LRP1: variants seen among roughly 807,000 people sequenced by gnomAD.
LRP1 encodes the protein prolow-density lipoprotein receptor-related protein 1.
Under a neutral mutation model 541.5 loss-of-function variants are expected in LRP1, and 51 were observed. That is an observed-to-expected ratio of 0.09 (90% CI 0.08 to 0.12). LRP1 has a LOEUF of 0.12. Among genes scored for constraint, LRP1 ranks in the 10% least tolerant of loss-of-function variants. The pLI, the probability that LRP1 is intolerant of heterozygous loss-of-function variation, is 1.00. For synonymous variants in LRP1, 2,219 were observed against 2,470.8 expected, an observed-to-expected ratio of 0.90 and a Z score of 3.02; for missense variants, 3,878 against 6,376.2, an observed-to-expected ratio of 0.61 and a Z score of 13.34.
chr12:57,138,263 C>T (rs1297330876), intron 1 of LRP1, among the ~76,000 whole-genome samples, 196 bp from the exon 2 acceptor site: 1 of 151,930 alleles, frequency 6.6e-6, no homozygotes, highest in African/African-American at 2.4e-5. Flanking sequence ...ATCCTCCCCA[C>T]CCCCACCGCA....
At position 57,212,154 on chromosome 12, in the gene LRP1, G is replaced by A. The variant is rs1253730895; in HGVS notation, c.13387G>A (p.Ala4463Thr). 1.2e-6 allele frequency: 2 copies of A among 1,613,892 alleles called. No individual in the cohort carries two copies. Among genetic ancestry groups the A allele is most frequent in the African/African-American group, 1.3e-5 (1 of 74,894 alleles). ...CCAGCACCAACGGATGACCAACGGGGCCATGAACGTGGAGATTGGAAACCC... is the reference window on the plus strand; with the variant it reads ...CCAGCACCAACGGATGACCAACGGGACCATGAACGTGGAGATTGGAAACCC... ...GFQHQRMTNG[A>T]MNVEIGNPTY... Residue 4463 changes from alanine to threonine, a missense_variant, in exon 88 of 89, where the codon GCC becomes ACC. Transcript: ENST00000243077. This position sits in a 1 kb window ranked among gnomAD's most constrained non-coding sequence, Gnocchi z 5.0.
intron 55 of LRP1, 97 bp downstream of exon 55, chr12:57,196,374 G>A: frequency 1.7e-6 from 2 of 1,190,048 alleles, no homozygotes; most frequent in Non-Finnish European, 2.3e-6. Flanking sequence ...TAGACAGTGG[G>A]GATACAGCAG....
At chr12:57,196,403 G>T in intron 55 of LRP1, 126 bp downstream of exon 55, 1 of 995,922 alleles carries the variant, frequency 1.0e-6, no homozygotes. Context: ...ACAGAAATCT[G>T]CTTGGTTGGG....
In LRP1 at chr12:57,211,454, GC is replaced by G. The variant is rs762658312; in HGVS notation, c.13092-29del. 2.4e-5 allele frequency: 38 copies of G among 1,610,502 alleles called. No individual in the cohort carries two copies. Among genetic ancestry groups the G allele is most frequent in the Non-Finnish European group, 8.5e-7 (1 of 1,178,438 alleles). ...CAGCATCCCAGGCACGCCTCTGCCA[GC>G]CCCAGCCCCAGCCTCTGATTCCTTC... On this transcript the variant is annotated intron_variant, in intron 84 of 88. Transcript: ENST00000243077. This position sits in a 1 kb window ranked among gnomAD's most constrained non-coding sequence, Gnocchi z 4.3.
In LRP1 at chr12:57,145,488, A is replaced by C; in HGVS notation, c.839A>C (p.His280Pro). Residue 280 changes from histidine (H) to proline (P), a missense_variant and splice_region_variant, in exon 6 of 89, where the codon CAC (histidine) becomes CCC (proline). Transcript: ENST00000243077. ...EHTINISLSLHHVEQMAIDWL... is the reference protein window; with the variant it reads ...EHTINISLSLPHVEQMAIDWL... The stretch of plus-strand genomic sequence containing the variant: ...ACCATCAACATCTCCCTCAGTCTGC[A>C]CCGTGAGTCACCTGCTCTCAGCTTG... The C allele has an allele frequency of 6.2e-7, 1 of 1,612,306 alleles. No individual in the cohort carries two copies. The highest frequency in any genetic ancestry group is 8.5e-7 in the Non-Finnish European group (1 of 1,179,150).
intron 51 of LRP1, 77 bp from the exon 52 acceptor site, chr12:57,195,194 C>T (rs1045574999): frequency 1.1e-5 from 18 of 1,595,448 alleles, no homozygotes; most frequent in African/African-American, 2.7e-5. Context: ...CTGCAGACGA[C>T]GGCGAACCAT....
chr12:57,145,012 A>G lies in LRP1; in HGVS notation c.489A>G (p.Leu163=), dbSNP rs143263594. Residue 163 remains leucine (L), a synonymous_variant, in exon 5 of 89, where the codon CTA becomes CTG. Transcript: ENST00000243077. ...ECSVYGTCSQ[L]CTNTDGSFIC... is the part of the protein sequence containing the mutation. Reference sequence around the variant, plus strand: ...CAGTGTACGGCACCTGCAGCCAGCTATGCACCAACACAGACGGCTCCTTCA... The same window carrying G: ...CAGTGTACGGCACCTGCAGCCAGCTGTGCACCAACACAGACGGCTCCTTCA... The G allele has an allele frequency of 1.4e-4, 221 of 1,614,162 alleles. No individual in the cohort carries two copies. The African/African-American group carries it at 2.8e-3, about 20-fold the overall frequency.
rs757500774 is a variant in LRP1, at chr12:57,190,976, C to T, written c.7203C>T (p.Ile2401=). 15 of 1,612,228 alleles carry T rather than the reference C, an allele frequency of 9.3e-6. No individual in the cohort carries two copies. Among genetic ancestry groups the T allele is most frequent in the Admixed American group, 1.7e-5 (1 of 59,996 alleles). ...TCTCTGACGCCACCCTGGACAAGAT[C>T]GAGCGGTGCGAGTATGACGGCTCCC... ...LYFSDATLDK[I]ERCEYDGSHR... The change falls in exon 43 of 89, where the codon ATC becomes ATT. Residue 2401 remains isoleucine (I), a synonymous_variant. Transcript: ENST00000243077.
At chr12:57,199,624 G>C (rs1008748169) in intron 61 of LRP1, among the ~76,000 whole-genome samples, 1 of 152,172 alleles carries the variant, frequency 6.6e-6, no homozygotes, top group African/African-American at 2.4e-5. Context: ...CCAGTCAAGT[G>C]GGGGTCTGGG....
In LRP1 at chr12:57,183,743, G is replaced by A. The variant is rs757359278; in HGVS notation, c.5795-32G>A. The A allele has an allele frequency of 1.9e-6, 3 of 1,612,484 alleles. No homozygotes were observed. Among genetic ancestry groups the A allele is most frequent in the Non-Finnish European group, 2.5e-6 (3 of 1,179,864 alleles). On this transcript the variant is annotated intron_variant, in intron 35 of 88. Coordinates refer to ENST00000243077, the MANE Select transcript of LRP1 (RefSeq NM_002332.3). The surrounding 1 kb of genome is among the most constrained non-coding windows in gnomAD (Gnocchi z 6.1). ...CCCCTCACCTTACCCCTGCCTTATT[G>A]GGCATCCCCATGTCACCTCCTCCAC...
Position 57,196,225 on chromosome 12 carries a change from G to T in LRP1, c.8840G>T (p.Arg2947Leu), listed in dbSNP as rs752886165. The T allele has an allele frequency of 6.2e-5, 100 of 1,611,062 alleles. No homozygotes were observed. Among genetic ancestry groups the T allele is most frequent in the East Asian group, 4.0e-4 (18 of 44,850 alleles). ...TGCCACATCAATGAGTGTCTCAGCC[G>T]CAAGCTCAGTGGCTGCAGCCAGGAC... ...RGCHINECLS[R>L]KLSGCSQDCE... The change falls in exon 55 of 89, where the codon CGC (arginine) becomes CTC (leucine). Residue 2947 changes from arginine (R) to leucine (L), a missense_variant. Coordinates refer to ENST00000243077, the MANE Select transcript of LRP1 (RefSeq NM_002332.3).
At chr12:57,171,240 G>A (rs576893394) in intron 20 of LRP1, among the ~76,000 whole-genome samples, 11 of 152,224 alleles carry the variant, frequency 7.2e-5, no homozygotes, top group Admixed American at 1.3e-4. Context: ...GAGGCCTGGC[G>A]TGGAGGAGCA....
intron 6 of LRP1, among the ~76,000 whole-genome samples, chr12:57,151,883 G>A (rs1357354491): frequency 6.6e-6 from 1 of 152,196 alleles, no homozygotes; most frequent in African/African-American, 2.4e-5. Context: ...TGTGGTGCAG[G>A]GGGTTGGATA....
rs374390301 is a variant in LRP1, at chr12:57,139,039, C to T, written c.190+458C>T. 2.0e-5 allele frequency among the ~76,000 whole-genome samples: 3 copies of T among 152,290 alleles called. No homozygotes were observed. In the South Asian group the frequency reaches 6.2e-4, roughly 32 times the overall value. ...CCCCACCCCTGTGCTCTTCCCGCTA[C>T]CCCCGCCTTCCCCTGCCCCCAGTAA... is the stretch of plus-strand genomic sequence containing the variant. On this transcript the variant is annotated intron_variant, in intron 2 of 88. Transcript: ENST00000243077.
At chr12:57,159,802 A>G (rs2035691191) in intron 11 of LRP1, 23 bp from the exon 12 acceptor site, 17 of 1,612,676 alleles carry the variant, frequency 1.1e-5, no homozygotes, top group Non-Finnish European at 1.4e-5. Context: ...GCTGTTCATC[A>G]CTGGTCCCTC....
intron 33 of LRP1, 67 bp from the exon 34 acceptor site, chr12:57,181,090 A>G: frequency 1.3e-6 from 2 of 1,574,146 alleles, no homozygotes; most frequent in Non-Finnish European, 1.7e-6. Context: ...TGAGCAGCCC[A>G]AGCCTGACCC....
At chr12:57,163,114 A>G in intron 15 of LRP1, 131 bp downstream of exon 15, 2 of 1,300,006 alleles carry the variant, frequency 1.5e-6, no homozygotes. Flanking sequence ...GGGGGCCAAC[A>G]GGAAGCAAGG....
At chr12:57,159,736 C>G in intron 11 of LRP1, 89 bp from the exon 12 acceptor site, 1 of 1,378,774 alleles carries the variant, frequency 7.3e-7, no homozygotes, top group Non-Finnish European at 1.0e-6. Context: ...CCAGACTGCT[C>G]AAAGGTACCT....
Position 57,197,326 on chromosome 12 carries a change from A to G in LRP1, c.9104A>G (p.Asn3035Ser). ...GAGGAACCGTTTCTGATCTTCGCCA[A>G]CCGGTACTACCTGCGCAAGCTCAAC... ...TDEEPFLIFA[N>S]RYYLRKLNLD... Residue 3035 changes from asparagine (N) to serine (S), a missense_variant, in exon 57 of 89, where the codon AAC becomes AGC. This residue lies in a region of LRP1 where 1,100 missense variants were observed against 1,827.4 expected (regional missense o/e 0.60). Transcript: ENST00000243077. The surrounding 1 kb of genome is among the most constrained non-coding windows in gnomAD (Gnocchi z 4.5). 1 of 1,614,140 alleles carries G rather than the reference A, an allele frequency of 6.2e-7. No homozygotes were observed. Among genetic ancestry groups the G allele is most frequent in the Non-Finnish European group, 8.5e-7 (1 of 1,180,022 alleles).
Sources: gnomAD v4.1 joint callset for allele counts (sites outside exome capture counted in the v4.1 genomes callset) on GRCh38, gnomAD v4.1.1 for gene constraint, gnomAD v4.1.1 regional missense constraint, Gnocchi (gnomAD v3.1) non-coding constraint, MANE v1.5 for transcripts, NCBI Gene and HGNC (gene_info 2026-07-23, HGNC 2026-07-21) for gene names.